KLRD1: variants seen among roughly 807,000 people sequenced by gnomAD.
The protein encoded by KLRD1 is killer cell lectin like receptor D1, also known as natural killer cells antigen CD94.
Under a neutral mutation model 22.6 loss-of-function variants are expected in KLRD1, and 21 were observed. The observed-to-expected ratio is 0.93, with a 90% CI of 0.66 to 1.34. KLRD1 has a LOEUF of 1.34. Among genes scored for constraint, KLRD1 ranks in the 40% most tolerant of loss-of-function variants. The pLI, the probability that KLRD1 is intolerant of heterozygous loss-of-function variation, is 0.00. For synonymous variants in KLRD1, 59 were observed against 71.1 expected (o/e 0.83, Z 0.85); for missense variants, 183 against 208.6 (o/e 0.88, Z 0.76).
rs1288583415 is a variant in KLRD1, at chr12:10,329,168, C to A, written c.*14375C>A. On this transcript the variant is annotated 3_prime_UTR_variant, in exon 6 of 6. Coordinates refer to ENST00000336164, the MANE Select transcript of KLRD1 (RefSeq NM_002262.5). ...TCATCACTATAAACTTTTCTTTTAGCCCTACTTTTACTACATCCCATAAGT... is the reference window on the plus strand; with the variant it reads ...TCATCACTATAAACTTTTCTTTTAGACCTACTTTTACTACATCCCATAAGT... 6.6e-6 allele frequency: 1 copy of A among 152,062 alleles called. No homozygotes were observed. Among genetic ancestry groups the A allele is most frequent in the Non-Finnish European group, 1.5e-5 (1 of 68,008 alleles). The allele number at this position is 152,062 out of a possible 1,614,324, so 9.4% of individuals were successfully genotyped here. A position where few individuals can be genotyped will look rare whatever the true frequency, so the allele number is the denominator to read the frequency against.
chr12:10,282,032 A>G (rs1949648916), intron 1 of KLRD1, among the ~76,000 whole-genome samples: 1 of 152,170 alleles, frequency 6.6e-6, no homozygotes, highest in Non-Finnish European at 1.5e-5. Flanking sequence ...AATAACCACT[A>G]ATCTCTTCTA....
chr12:10,239,469 C>CTTTCCTTATG (rs373654789), intron 1 of KLRD1, among the ~76,000 whole-genome samples: 1 of 122,242 alleles, frequency 8.2e-6, no homozygotes, highest in Non-Finnish European at 1.7e-5. Flanking sequence ...TTCCTTCCTT[C>CTTTCCTTATG]CTTCCTTCCT....
intron 1 of KLRD1, among the ~76,000 whole-genome samples, chr12:10,242,951 A>T (rs769531032): frequency 4.6e-5 from 7 of 152,184 alleles, no homozygotes; most frequent in Non-Finnish European, 8.8e-5. Flanking sequence ...TTCACCCTTA[A>T]AAGAGAAGTA....
chr12:10,260,965 C>CAAA (rs754538135), intron 1 of KLRD1, among the ~76,000 whole-genome samples: 97 of 46,788 alleles, frequency 2.1e-3, no homozygotes, highest in African/African-American at 3.9e-3. Context: ...AACAAAAAAC[C>CAAA]AAAAAAAAAA....
chr12:10,295,300 T>G (rs894600583), intron 1 of KLRD1, among the ~76,000 whole-genome samples: 7 of 152,210 alleles, frequency 4.6e-5, no homozygotes, highest in African/African-American at 1.4e-4. Context: ...TTGAGTTATT[T>G]CTTCATTTTT....
chr12:10,272,366 T>G (rs1245558099), intron 1 of KLRD1, among the ~76,000 whole-genome samples: 4 of 152,192 alleles, frequency 2.6e-5, no homozygotes, highest in Non-Finnish European at 4.4e-5. Flanking sequence ...CAAACTATAA[T>G]TTTCTGAGAT....
chr12:10,240,207 C>A (rs188774437), intron 1 of KLRD1, among the ~76,000 whole-genome samples: 1 of 151,874 alleles, frequency 6.6e-6, no homozygotes, highest in South Asian at 2.1e-4. Context: ...ACCACAGGTG[C>A]GCACCATCAT....
chr12:10,283,292 C>T (rs1261601866), intron 1 of KLRD1, among the ~76,000 whole-genome samples: 1 of 152,036 alleles, frequency 6.6e-6, no homozygotes, highest in Non-Finnish European at 1.5e-5. Context: ...GAGGGAAGGA[C>T]AAAAACACGA....
intron 1 of KLRD1, among the ~76,000 whole-genome samples, chr12:10,260,675 T>A (rs931965012): frequency 6.6e-6 from 1 of 152,002 alleles, no homozygotes; most frequent in Non-Finnish European, 1.5e-5. Flanking sequence ...GCGTGGTGGC[T>A]CACGCCTGTA....
At chr12:10,282,349 C>T (rs371937415) in intron 1 of KLRD1, among the ~76,000 whole-genome samples, 7 of 152,014 alleles carry the variant, frequency 4.6e-5, no homozygotes, top group South Asian at 2.1e-4. Context: ...CTCCGCCTCC[C>T]GGCTTCAAGT....
Position 10,325,771 on chromosome 12 carries a change from C to G in KLRD1, c.*10978C>G, listed in dbSNP as rs899212141. ...CTACTGTGACTAGTATAGCAATGGA[C>G]AGTAGTATACTAATATTTCTTTGAG... On this transcript the variant is annotated 3_prime_UTR_variant, in exon 6 of 6. Transcript: ENST00000336164. 1 of 152,182 alleles carries G rather than the reference C, an allele frequency of 6.6e-6. No homozygotes were observed. The highest frequency in any genetic ancestry group is 2.4e-5 in the African/African-American group (1 of 41,440). 9.4% of individuals were successfully genotyped at this position (152,182 alleles called of 1,614,324 possible).
intron 1 of KLRD1, among the ~76,000 whole-genome samples, chr12:10,242,071 G>GTTTTTTTTTTTTTTTTTT (rs72326980): frequency 2.0e-5 from 2 of 99,396 alleles, no homozygotes; most frequent in Admixed American, 1.5e-4. Context: ...TGTTCTTGCT[G>GTTTTTTTTTTTTTTTTTT]TTTTTTTTTT....
chr12:10,266,403 A>G (rs1195697102), intron 1 of KLRD1, among the ~76,000 whole-genome samples: 2 of 152,056 alleles, frequency 1.3e-5, no homozygotes, highest in Non-Finnish European at 2.9e-5. Context: ...TTCCATGATT[A>G]CCTTTGAAGT....
chr12:10,270,844 C>T (rs1245486148), intron 1 of KLRD1, among the ~76,000 whole-genome samples: 2 of 150,288 alleles, frequency 1.3e-5, no homozygotes, highest in Non-Finnish European at 3.0e-5. Context: ...AGTGCAGTGG[C>T]GTGATCTTGG....
In KLRD1 at chr12:10,286,662, C is replaced by CTTTTTTTTT. The variant is rs747241701; in HGVS notation, c.-100-21297_-100-21289dup. Among the ~76,000 whole-genome samples the CTTTTTTTTT allele has an allele frequency of 2.7e-4, 15 of 54,810 alleles. 4 individuals are homozygous for CTTTTTTTTT. The highest frequency in any genetic ancestry group is 1.1e-3 in the African/African-American group (14 of 12,944). The allele number at this position is 54,810 out of a possible 152,430, so 36.0% of individuals were successfully genotyped here. ...TCATCATTTTATTTCGCTTATGGTGCTTTTTTTTTTTTTTTTTTTTTTTTT... is the reference window on the plus strand; with the variant it reads ...TCATCATTTTATTTCGCTTATGGTGCTTTTTTTTTTTTTTTTTTTTTTTTTTTTTTTTTT... On this transcript the variant is annotated intron_variant, in intron 1 of 5. Transcript: ENST00000544747.
rs554314470 is a variant in KLRD1, at chr12:10,312,435, G to C, written c.315+820G>C. 1.3e-4 allele frequency among the ~76,000 whole-genome samples: 20 copies of C among 150,826 alleles called. No homozygotes were observed. In the East Asian group the frequency reaches 3.2e-3, roughly 24 times the overall value. On this transcript the variant is annotated intron_variant, in intron 4 of 5. Coordinates refer to ENST00000336164, the MANE Select transcript of KLRD1 (RefSeq NM_002262.5). ...GCTCTGTCGCCCAGGCTGGAGTGCAGTGGCGTGATCTTGGCTCACTGCAAG... is the reference window on the plus strand; with the variant it reads ...GCTCTGTCGCCCAGGCTGGAGTGCACTGGCGTGATCTTGGCTCACTGCAAG...
At chr12:10,281,212 GA>G (rs1312409536) in intron 1 of KLRD1, among the ~76,000 whole-genome samples, 1 of 152,138 alleles carries the variant, frequency 6.6e-6, no homozygotes, top group Non-Finnish European at 1.5e-5. Context: ...ACAGAAGCTG[GA>G]AAGACAAAAC....
At chr12:10,287,715 A>G (rs1158709430) in intron 1 of KLRD1, among the ~76,000 whole-genome samples, 2 of 152,370 alleles carry the variant, frequency 1.3e-5, no homozygotes, top group East Asian at 3.9e-4. Flanking sequence ...CCCCTAGGTT[A>G]TACAAAACTA....
Position 10,319,946 on chromosome 12 carries a change from A to G in KLRD1, c.*5153A>G, listed in dbSNP as rs1014344815. 6.8e-6 allele frequency: 1 copy of G among 147,768 alleles called. No individual in the cohort carries two copies. The highest frequency in any genetic ancestry group is 1.5e-5 in the Non-Finnish European group (1 of 67,366). 9.2% of individuals were successfully genotyped at this position (147,768 alleles called of 1,614,324 possible). On this transcript the variant is annotated 3_prime_UTR_variant, in exon 6 of 6. Coordinates refer to ENST00000336164, the MANE Select transcript of KLRD1 (RefSeq NM_002262.5). ...AGTGGGGCCATGTCGGCTCACTGCA[A>G]CTTCTGCCTCCTGGATTCAAGCAAT...
Sources: gnomAD v4.1 joint callset for allele counts (sites outside exome capture counted in the v4.1 genomes callset) on GRCh38, gnomAD v4.1.1 for gene constraint, MANE v1.5 for transcripts, NCBI Gene and HGNC (gene_info 2026-07-23, HGNC 2026-07-21) for gene names.